Variants in NCKAP5 observed in about 807,000 individuals in gnomAD.
NCKAP5 encodes the protein NCK associated protein 5, also known as nck-associated protein 5.
NCKAP5 carries 92 observed loss-of-function variants against 167.0 expected under a neutral mutation model. The ratio of observed to expected loss-of-function variants is 0.55; its 90% CI spans 0.47 to 0.66. The LOEUF is 0.66. Among genes scored for constraint, NCKAP5 ranks in the 30% least tolerant of loss-of-function variants. The pLI, the probability that NCKAP5 is intolerant of heterozygous loss-of-function variation, is 0.00. For synonymous variants in NCKAP5, 891 were observed against 877.4 expected (o/e 1.02, Z -0.27); for missense variants, 2,378 against 2,315.0 (o/e 1.03, Z -0.56).
intron 3 of NCKAP5, among the ~76,000 whole-genome samples, chr2:133,498,747 G>A (rs531456225): frequency 6.6e-6 from 1 of 152,264 alleles, no homozygotes; most frequent in South Asian, 2.1e-4. Context: ...AGAAGGAAGT[G>A]ATTTTCACCA....
intron 10 of NCKAP5, among the ~76,000 whole-genome samples, chr2:132,865,422 CT>C (rs2148738443): frequency 6.6e-6 from 1 of 152,232 alleles, no homozygotes; most frequent in African/African-American, 2.4e-5. Context: ...ACCAAGGCTC[CT>C]GGAAATTGGG....
At chr2:133,124,515 A>G (rs1381519673) in intron 6 of NCKAP5, among the ~76,000 whole-genome samples, 2 of 152,214 alleles carry the variant, frequency 1.3e-5, no homozygotes, top group African/African-American at 4.8e-5. Context: ...GTCACTATGC[A>G]ATCATTAATT....
chr2:133,347,592 A>T (rs1462873117), intron 3 of NCKAP5, among the ~76,000 whole-genome samples: 1 of 149,736 alleles, frequency 6.7e-6, no homozygotes, highest in African/African-American at 2.4e-5. Context: ...ATATAATATA[A>T]TATAATATAA....
intron 2 of NCKAP5, among the ~76,000 whole-genome samples, chr2:133,537,352 A>G (rs1266814157): frequency 1.3e-5 from 2 of 152,192 alleles, no homozygotes; most frequent in East Asian, 1.9e-4. Context: ...AAAAAATCCA[A>G]CTGGGAGATT....
intron 10 of NCKAP5, among the ~76,000 whole-genome samples, chr2:132,861,413 G>T (rs944468440): frequency 6.6e-6 from 1 of 151,950 alleles, no homozygotes; most frequent in Non-Finnish European, 1.5e-5. Flanking sequence ...CAAGGCAGAC[G>T]CAGTAGAATA....
chr2:133,357,537 C>T (rs1005508474), intron 3 of NCKAP5, among the ~76,000 whole-genome samples: 1 of 152,062 alleles, frequency 6.6e-6, no homozygotes, highest in East Asian at 1.9e-4. Flanking sequence ...TAAGATCACC[C>T]TTAGAATAAT....
chr2:133,594,953 C>A, the NCKAP5 span, among the ~76,000 whole-genome samples: 1 of 152,058 alleles, frequency 6.6e-6, no homozygotes, highest in South Asian at 2.1e-4. Context: ...AACATCCCAC[C>A]CTCAAGCAGC....
Position 133,400,294 on chromosome 2 carries a change from T to TA in NCKAP5, c.70-97185dup, listed in dbSNP as rs375233140. ...AGCTGAATGGTACCCGCTGCCCCCC[T>TA]AAAAAAAAAGATATGCCCATGACTT... On this transcript the variant is annotated intron_variant, in intron 3 of 19. Transcript: ENST00000409261. 4.0e-5 allele frequency among the ~76,000 whole-genome samples: 6 copies of TA among 150,640 alleles called. No individual in the cohort carries two copies. In the East Asian group the frequency reaches 5.8e-4, roughly 15 times the overall value.
chr2:133,324,229 C>G (rs566845931), intron 3 of NCKAP5, among the ~76,000 whole-genome samples: 2 of 152,346 alleles, frequency 1.3e-5, no homozygotes, highest in East Asian at 3.9e-4. Context: ...CATTCTACCT[C>G]TGGGGATGGC....
At chr2:133,571,345 A>T (rs1236181582), upstream of NCKAP5, among the ~76,000 whole-genome samples, 3 of 152,114 alleles carry the variant, frequency 2.0e-5, no homozygotes, top group African/African-American at 7.2e-5. Context: ...ACGACTTAGC[A>T]TAAAAACAAA....
chr2:132,849,896 A>G (rs1273643394), intron 11 of NCKAP5, among the ~76,000 whole-genome samples: 2 of 152,172 alleles, frequency 1.3e-5, no homozygotes, highest in Non-Finnish European at 2.9e-5. Context: ...TAATTCGGGT[A>G]CATTTCCAAT....
At chr2:133,403,728 C>T (rs1008731069) in intron 3 of NCKAP5, among the ~76,000 whole-genome samples, 1 of 152,204 alleles carries the variant, frequency 6.6e-6, no homozygotes, top group African/African-American at 2.4e-5. Flanking sequence ...TCCTGTGATG[C>T]TCCAAGTCCC....
upstream of NCKAP5, among the ~76,000 whole-genome samples, chr2:133,570,705 G>A (rs911182311): frequency 3.9e-5 from 6 of 152,156 alleles, no homozygotes; most frequent in Admixed American, 6.6e-5. Context: ...GAGCCGCTTC[G>A]GTTCATTTTC....
chr2:133,624,087 C>T, the NCKAP5 span, among the ~76,000 whole-genome samples: 1 of 151,644 alleles, frequency 6.6e-6, no homozygotes, highest in African/African-American at 2.4e-5. Flanking sequence ...GCTATGAGGA[C>T]GCAAAGGCAT....
chr2:132,922,647 A>G (rs889034140), intron 8 of NCKAP5, among the ~76,000 whole-genome samples: 2 of 152,136 alleles, frequency 1.3e-5, no homozygotes, highest in African/African-American at 4.8e-5. Flanking sequence ...TTGTGCCTTC[A>G]TATTGCAATG....
chr2:132,812,981 G>A (rs902952308), intron 11 of NCKAP5, among the ~76,000 whole-genome samples: 3 of 152,138 alleles, frequency 2.0e-5, no homozygotes, highest in Admixed American at 6.5e-5. Context: ...ACTTCCCAAC[G>A]TTCCTGCCTT....
intron 19 of NCKAP5, among the ~76,000 whole-genome samples, chr2:132,690,017 C>A (rs1686516526): frequency 6.6e-6 from 1 of 152,198 alleles, no homozygotes; most frequent in Admixed American, 6.5e-5. Context: ...TACTCCACAT[C>A]TACCAGTCTT....
chr2:133,275,595 T>C (rs1344472716), intron 4 of NCKAP5, among the ~76,000 whole-genome samples: 1 of 152,038 alleles, frequency 6.6e-6, no homozygotes, highest in East Asian at 1.9e-4. Context: ...AACCAAAATT[T>C]CTAAATTTCT....
At chr2:132,895,741 G>C (rs1290836096) in intron 8 of NCKAP5, among the ~76,000 whole-genome samples, 1 of 146,386 alleles carries the variant, frequency 6.8e-6, no homozygotes, top group Non-Finnish European at 1.5e-5. Context: ...CCATTTTACA[G>C]ATGTGCAGTC....
Sources: allele counts gnomAD v4.1 joint callset (sites outside exome capture counted in the v4.1 genomes callset), GRCh38; gene constraint gnomAD v4.1.1; transcripts MANE v1.5; gene names NCBI Gene and HGNC (gene_info 2026-07-23, HGNC 2026-07-21).